SETD2: variants seen among roughly 807,000 people sequenced by gnomAD.
SETD2 encodes the protein histone-lysine N-methyltransferase SETD2.
SETD2 carries 31 observed loss-of-function variants against 242.1 expected under a neutral mutation model. That is an observed-to-expected ratio of 0.13 (90% CI 0.10 to 0.17). SETD2 has a LOEUF of 0.17. Among genes scored for constraint, SETD2 ranks in the 10% least tolerant of loss-of-function variants. The pLI, the probability that SETD2 is intolerant of heterozygous loss-of-function variation, is 1.00. For synonymous variants in SETD2, 1,006 were observed against 1,066.5 expected (o/e 0.94, Z 1.11); for missense variants, 2,481 against 3,046.3 (o/e 0.81, Z 4.37).
intron 18 of SETD2, among the ~76,000 whole-genome samples, chr3:47,028,443 G>A (rs1010461602): frequency 1.3e-5 from 2 of 152,170 alleles, no homozygotes; most frequent in African/African-American, 4.8e-5. Context: ...GATAACCTGT[G>A]GCATTCAGTG....
intron 1 of SETD2, among the ~76,000 whole-genome samples, chr3:47,153,631 T>C (rs997444095): frequency 6.6e-6 from 1 of 152,154 alleles, no homozygotes; most frequent in Non-Finnish European, 1.5e-5. Context: ...CGCATGCCTG[T>C]TGTCCCAGCT....
intron 12 of SETD2, among the ~76,000 whole-genome samples, chr3:47,076,600 C>T (rs1419694011): frequency 6.6e-6 from 1 of 150,932 alleles, no homozygotes; most frequent in Non-Finnish European, 1.5e-5. Context: ...GAAAGCAATT[C>T]CATGGTCTAG....
chr3:47,125,977 T>C (rs957013157), intron 2 of SETD2, among the ~76,000 whole-genome samples: 1 of 152,248 alleles, frequency 6.6e-6, no homozygotes, highest in South Asian at 2.1e-4. Context: ...ATAGTAGTCA[T>C]TCAAGTTGGA....
intron 18 of SETD2, among the ~76,000 whole-genome samples, chr3:47,027,944 C>T (rs193092384): frequency 2.8e-4 from 43 of 152,010 alleles, no homozygotes; most frequent in African/African-American, 8.4e-4. Context: ...GGCGCCCCCC[C>T]GCACACCTGA....
intron 1 of SETD2, among the ~76,000 whole-genome samples, chr3:47,156,020 T>C (rs1292181044): frequency 6.6e-6 from 1 of 152,176 alleles, no homozygotes; most frequent in Non-Finnish European, 1.5e-5. Flanking sequence ...TAGTCAACTT[T>C]TTTAAGAAAC....
intron 16 of SETD2, among the ~76,000 whole-genome samples, chr3:47,045,972 A>AT (rs201779578): frequency 0.021 from 3,133 of 149,680 alleles, 50 homozygotes; most frequent in Non-Finnish European, 0.031. Context: ...AATTAAAAAA[A>AT]TTTTTTTTTT....
intron 1 of SETD2, chr3:47,163,366 C>G (rs1352297440): frequency 6.6e-6 from 1 of 152,248 alleles, no homozygotes; most frequent in Non-Finnish European, 1.5e-5. Context: ...GAGGCGCCGC[C>G]GTCGCGGGGA....
intron 12 of SETD2, among the ~76,000 whole-genome samples, chr3:47,068,606 C>T (rs916083618): frequency 2.0e-5 from 3 of 150,608 alleles, no homozygotes; most frequent in African/African-American, 7.3e-5. Context: ...AAGCAATTCT[C>T]CTGCCTCAGC....
chr3:47,098,858 T>C (rs755014528), intron 8 of SETD2, among the ~76,000 whole-genome samples: 5 of 152,108 alleles, frequency 3.3e-5, no homozygotes, highest in Admixed American at 1.3e-4. Flanking sequence ...TAGGATATGA[T>C]AGTGGCAATT....
rs139266189 is a variant in SETD2 at position 47,077,811 on chromosome 3, G to C, written c.6060+5909C>G. Among the ~76,000 whole-genome samples the C allele has an allele frequency of 7.9e-4, 121 of 152,248 alleles. 3 individuals carry two copies. The East Asian group carries it at 0.02, about 26-fold the overall frequency. ...AGCATATTGTAGCAAAAAGGTAAAA[G>C]AAAATAATGGAGATATGTCAGAATG... On this transcript the variant is annotated intron_variant, in intron 12 of 20. Coordinates refer to ENST00000409792, the MANE Select transcript of SETD2 (RefSeq NM_014159.7).
intron 1 of SETD2, among the ~76,000 whole-genome samples, chr3:47,141,517 A>G (rs1161138656): frequency 6.6e-6 from 1 of 152,228 alleles, no homozygotes; most frequent in Non-Finnish European, 1.5e-5. Flanking sequence ...ATGGAAAGAC[A>G]TGAGAAAGAC....
At chr3:47,120,081 C>G in intron 3 of SETD2, 101 bp downstream of exon 3, 1 of 961,296 alleles carries the variant, frequency 1.0e-6, no homozygotes, top group South Asian at 1.9e-5. Flanking sequence ...TCCCACAACT[C>G]TTTCATGTGT....
intron 18 of SETD2, among the ~76,000 whole-genome samples, chr3:47,022,456 T>C (rs779555718): frequency 8.5e-5 from 13 of 152,254 alleles, no homozygotes; most frequent in Non-Finnish European, 1.6e-4. Context: ...TGAGCTGTGA[T>C]CATGCTACTG....
Position 47,037,786 on chromosome 3 carries a change from A to G in SETD2, c.7239-9T>C. 1 of 1,595,448 alleles carries G rather than the reference A, an allele frequency of 6.3e-7. No individual in the cohort carries two copies. The highest frequency in any genetic ancestry group is 8.6e-7 in the Non-Finnish European group (1 of 1,163,186). ...GATCCCACTGAGTCTGCCTAGAAAG[A>G]GACAAAAACAGCCATGCTGTCAGGG... On this transcript the variant is annotated splice_polypyrimidine_tract_variant and intron_variant, in intron 17 of 20. Transcript: ENST00000409792.
intron 15 of SETD2, 94 bp from the exon 16 acceptor site, chr3:47,046,715 C>CA: frequency 1.9e-6 from 2 of 1,070,154 alleles, no homozygotes; most frequent in Middle Eastern, 3.3e-4. Context: ...AAGATATACC[C>CA]ATAACATTTT....
chr3:47,029,752 CAA>C (rs960277492), intron 18 of SETD2, among the ~76,000 whole-genome samples: 2 of 152,182 alleles, frequency 1.3e-5, no homozygotes, highest in African/African-American at 2.4e-5. Context: ...CTTTATCATG[CAA>C]AGTTAGTTTG....
In SETD2 at chr3:47,122,708, T is replaced by C. The variant is rs776293901; in HGVS notation, c.1928A>G (p.His643Arg). Reference protein sequence around the residue: ...LPIFKSEFITHDSHDSIKELD... With the variant: ...LPIFKSEFITRDSHDSIKELD... ...TTCCTTAATACTATCATGGCTATCATGTGTTATAAATTCGGACTTAAAAAT... is the reference window on the plus strand; with the variant it reads ...TTCCTTAATACTATCATGGCTATCACGTGTTATAAATTCGGACTTAAAAAT... Residue 643 changes from histidine to arginine, a missense_variant, in exon 3 of 21, where the codon CAT becomes CGT. This residue lies in a region of SETD2 where 1,300 missense variants were observed against 1,259.2 expected (regional missense o/e 1.03). Transcript: ENST00000409792. 17 of 1,612,000 alleles carry C rather than the reference T, an allele frequency of 1.1e-5. No individual in the cohort carries two copies. The South Asian group carries it at 1.7e-4, about 16-fold the overall frequency.
At chr3:47,021,007 G>T (rs1043511167) in intron 18 of SETD2, among the ~76,000 whole-genome samples, 3 of 152,108 alleles carry the variant, frequency 2.0e-5, no homozygotes, top group African/African-American at 7.2e-5. Context: ...GGAGATTAGG[G>T]GGTAGAGTAA....
chr3:47,078,811 GC>G (rs987512326), intron 12 of SETD2, among the ~76,000 whole-genome samples: 2 of 151,762 alleles, frequency 1.3e-5, no homozygotes, highest in Admixed American at 6.6e-5. Flanking sequence ...GATCACTGCA[GC>G]CTCAACCTCC....
Sources: gnomAD v4.1 joint callset for allele counts (sites outside exome capture counted in the v4.1 genomes callset) on GRCh38, gnomAD v4.1.1 for gene constraint, gnomAD v4.1.1 regional missense constraint, MANE v1.5 for transcripts, NCBI Gene and HGNC (gene_info 2026-07-23, HGNC 2026-07-21) for gene names.